The following E2F6 variants were observed in gnomAD, a reference collection of about 807,000 sequenced individuals.
E2F6 encodes E2F transcription factor 6, also known as transcription factor E2F6.
Under a neutral mutation model 31.5 loss-of-function variants are expected in E2F6, and 19 were observed. The ratio of observed to expected loss-of-function variants is 0.60; its 90% CI spans 0.42 to 0.89. E2F6 has a LOEUF of 0.89. Ranked by LOEUF, E2F6 falls within the 40% of genes least tolerant of loss-of-function variation. The probability of loss-of-function intolerance (pLI) is 0.00; values close to 1 mark genes in which losing one functional copy is unlikely to be tolerated. For missense variants in E2F6, 269 were observed against 341.6 expected, an observed-to-expected ratio of 0.79 and a Z score of 1.67; for synonymous variants, 121 against 127.7, an observed-to-expected ratio of 0.95 and a Z score of 0.36.
rs549816613 is a variant in E2F6, at chr2:11,454,889, T to C, written c.164-1091A>G. On this transcript the variant is annotated intron_variant, in intron 2 of 6. Transcript: ENST00000381525. ...ACTCCATATTGTGAACATCCTGACA[T>C]GTCAACAAATGTATTTCAACATTAT... 1.1e-4 allele frequency among the ~76,000 whole-genome samples: 16 copies of C among 152,328 alleles called. No homozygotes were observed. The East Asian group carries it at 2.9e-3, about 28-fold the overall frequency.
intron 6 of E2F6, among the ~76,000 whole-genome samples, chr2:11,446,918 C>A (rs1031907368): frequency 1.3e-5 from 2 of 152,232 alleles, no homozygotes; most frequent in Non-Finnish European, 2.9e-5. Flanking sequence ...ATCGGTCCAG[C>A]CTGTGGCTCT....
chr2:11,461,055 T>G (rs1483954172), intron 1 of E2F6, among the ~76,000 whole-genome samples: 3 of 152,076 alleles, frequency 2.0e-5, no homozygotes, highest in Non-Finnish European at 4.4e-5. Context: ...TGGGTCCTGA[T>G]GAGAATCAGC....
At chr2:11,450,678 T>C (rs1671005141) in intron 4 of E2F6, among the ~76,000 whole-genome samples, 1 of 152,230 alleles carries the variant, frequency 6.6e-6, no homozygotes, top group Non-Finnish European at 1.5e-5. Flanking sequence ...CCTGAGTCTT[T>C]TTCGTCTTGT....
intron 5 of E2F6, 21 bp from the exon 6 acceptor site, chr2:11,447,795 C>A (rs368492081): frequency 1.3e-6 from 2 of 1,592,022 alleles, no homozygotes; most frequent in Non-Finnish European, 1.7e-6. Flanking sequence ...ACACAGGAAT[C>A]GTCAAGATGA....
chr2:11,466,075 A>G lies in E2F6; in HGVS notation c.-196T>C. The stretch of plus-strand genomic sequence containing the variant: ...CGCGGCACGGCCTCACGTGCCCGGG[A>G]GCTCCCGACGCAGACGGAAAAAGAG... On this transcript the variant is annotated 5_prime_UTR_variant, in exon 1 of 7. Transcript: ENST00000381525. 1 of 523,440 alleles carries G rather than the reference A, an allele frequency of 1.9e-6. No homozygotes were observed. The highest frequency in any genetic ancestry group is 3.3e-6 in the Non-Finnish European group (1 of 301,464). 32.4% of individuals were successfully genotyped at this position (523,440 alleles called of 1,614,324 possible).
chr2:11,459,847 G>T (rs976228504), intron 1 of E2F6, among the ~76,000 whole-genome samples: 5 of 151,888 alleles, frequency 3.3e-5, no homozygotes, highest in Admixed American at 2.0e-4. Context: ...TCGTGCCATT[G>T]CACTCCAGCC....
chr2:11,446,825 G>C (rs1056910949), intron 6 of E2F6, among the ~76,000 whole-genome samples: 1 of 152,190 alleles, frequency 6.6e-6, no homozygotes, highest in East Asian at 1.9e-4. Context: ...CGTAATCCTT[G>C]TGTCTTTGTG....
intron 1 of E2F6, among the ~76,000 whole-genome samples, chr2:11,460,854 T>G (rs1012390862): frequency 1.2e-4 from 19 of 152,206 alleles, no homozygotes; most frequent in African/African-American, 4.6e-4. Context: ...TTTGGTGCTA[T>G]GACCATTATG....
Position 11,450,048 on chromosome 2 carries a change from T to C in E2F6, c.615A>G (p.Pro205=), listed in dbSNP as rs781135954. The part of the protein sequence containing the change: ...HEQIVIAVKA[P]AETRLDVPAP... ...CTGGAACATCCAATCTGGTTTCTGC[T>C]GGAGCTTTAACTGCAATGACGATCT... The change falls in exon 5 of 7, where the codon CCA becomes CCG. Residue 205 remains proline (P), a synonymous_variant. Coordinates refer to ENST00000381525, the MANE Select transcript of E2F6 (RefSeq NM_198256.4). The C allele has an allele frequency of 5.6e-6, 9 of 1,613,524 alleles. No individual in the cohort carries two copies. The highest frequency in any genetic ancestry group is 1.3e-5 in the African/African-American group (1 of 74,928).
At chr2:11,451,348 C>CTT (rs61072678) in intron 4 of E2F6, 19 of 105,696 alleles carry the variant, frequency 1.8e-4, no homozygotes, top group South Asian at 7.7e-4. Context: ...TTTTACCTAA[C>CTT]TTTTTTTTTT....
chr2:11,464,083 G>A (rs1193044819), intron 1 of E2F6, among the ~76,000 whole-genome samples: 1 of 152,050 alleles, frequency 6.6e-6, no homozygotes, highest in Non-Finnish European at 1.5e-5. Context: ...TTTCTAACAC[G>A]AGTGTTGTAG....
At chr2:11,461,002 T>C (rs1338137755) in intron 1 of E2F6, among the ~76,000 whole-genome samples, 5 of 151,986 alleles carry the variant, frequency 3.3e-5, no homozygotes, top group African/African-American at 9.7e-5. Context: ...CTGCTGGGAC[T>C]TGGGTCTAGT....
chr2:11,453,519 A>G (rs2148344660), intron 3 of E2F6, 63 bp downstream of exon 3: 2 of 1,448,678 alleles, frequency 1.4e-6, no homozygotes, highest in Non-Finnish European at 1.9e-6. Context: ...ATCTAGTTTA[A>G]GCATGGAATT....
chr2:11,465,156 G>A (rs1191364678), intron 1 of E2F6, among the ~76,000 whole-genome samples: 2 of 54,886 alleles, frequency 3.6e-5, no homozygotes, highest in Admixed American at 2.8e-4. Flanking sequence ...CCAGCCTGGG[G>A]AACAAAAGTA....
At chr2:11,446,698 A>G (rs1255717763) in intron 6 of E2F6, among the ~76,000 whole-genome samples, 175 bp from the exon 7 acceptor site, 1 of 152,200 alleles carries the variant, frequency 6.6e-6, no homozygotes, top group East Asian at 1.9e-4. Context: ...TCAGCCTCTC[A>G]AGAATAAACT....
chr2:11,458,031 G>A (rs1435108000), intron 1 of E2F6, among the ~76,000 whole-genome samples: 1 of 152,142 alleles, frequency 6.6e-6, no homozygotes, highest in Non-Finnish European at 1.5e-5. Flanking sequence ...CATAAAACTG[G>A]TAGTAACATT....
chr2:11,456,879 T>C (rs978226590), intron 2 of E2F6: 3 of 330,088 alleles, frequency 9.1e-6, no homozygotes, highest in Non-Finnish European at 1.7e-5. Flanking sequence ...CTCTAACAGA[T>C]ACCCTAAACA....
At chr2:11,453,358 C>A (rs1367647443) in intron 3 of E2F6, among the ~76,000 whole-genome samples, 1 of 152,170 alleles carries the variant, frequency 6.6e-6, no homozygotes. Flanking sequence ...ACAACCTTAA[C>A]AAATTTTCCC....
intron 1 of E2F6, among the ~76,000 whole-genome samples, chr2:11,458,011 T>C (rs1173388955): frequency 6.6e-6 from 1 of 152,248 alleles, no homozygotes; most frequent in Non-Finnish European, 1.5e-5. Context: ...TTAGAGGCTC[T>C]GAAAGTTTGC....
Sources: gnomAD v4.1 joint callset for allele counts (sites outside exome capture counted in the v4.1 genomes callset) on GRCh38, gnomAD v4.1.1 for gene constraint, MANE v1.5 for transcripts, NCBI Gene and HGNC (gene_info 2026-07-23, HGNC 2026-07-21) for gene names.